Variants in FERMT1 observed in about 807,000 individuals in gnomAD.
FERMT1 encodes FERM domain containing kindlin 1.
In FERMT1, 60 loss-of-function variants were observed where a neutral mutation model predicts 85.3. The observed-to-expected ratio is 0.70, with a 90% CI of 0.57 to 0.87. The LOEUF is 0.87. Among genes scored for constraint, FERMT1 ranks in the 40% least tolerant of loss-of-function variants. The pLI, the probability that FERMT1 is intolerant of heterozygous loss-of-function variation, is 0.00. For synonymous variants in FERMT1, 275 were observed against 301.1 expected, an observed-to-expected ratio of 0.91 and a Z score of 0.90; for missense variants, 701 against 818.9, an observed-to-expected ratio of 0.86 and a Z score of 1.76.
chr20:6,099,440 G>C (rs566952302), intron 6 of FERMT1, among the ~76,000 whole-genome samples: 2 of 150,280 alleles, frequency 1.3e-5, no homozygotes, highest in African/African-American at 4.9e-5. Context: ...TCTGATACTT[G>C]ATACAATATG....
At chr20:6,091,420 G>T (rs953486840) in intron 9 of FERMT1, among the ~76,000 whole-genome samples, 1 of 151,626 alleles carries the variant, frequency 6.6e-6, no homozygotes, top group Non-Finnish European at 1.5e-5. Context: ...AGTAGAGCTG[G>T]GGTTTCATCA....
At chr20:6,107,917 G>A (rs1245132253) in intron 5 of FERMT1, among the ~76,000 whole-genome samples, 2 of 152,072 alleles carry the variant, frequency 1.3e-5, no homozygotes, top group Non-Finnish European at 2.9e-5. Context: ...CTAGGCTTTA[G>A]TGCAGTGGTG....
Position 6,119,610 on chromosome 20 carries a change from G to C in FERMT1, c.-18-38C>G. 1.9e-6 allele frequency: 3 copies of C among 1,567,704 alleles called. No homozygotes were observed. In the South Asian group the frequency reaches 3.4e-5, roughly 18 times the overall value. The stretch of plus-strand genomic sequence containing the variant: ...AAGGCAGACATAGATTGGAATGTGG[G>C]AAGGAAACGGGACTTGTCAGTAGAC... On this transcript the variant is annotated intron_variant, in intron 1 of 14. Transcript: ENST00000217289.
chr20:6,091,507 C>T (rs1345227714), intron 9 of FERMT1, among the ~76,000 whole-genome samples: 3 of 152,160 alleles, frequency 2.0e-5, no homozygotes, highest in Non-Finnish European at 4.4e-5. Flanking sequence ...GCTGGGATTA[C>T]AGGCATGAGC....
At chr20:6,120,796 G>T (rs569668048) in intron 1 of FERMT1, among the ~76,000 whole-genome samples, 10 of 152,290 alleles carry the variant, frequency 6.6e-5, no homozygotes, top group African/African-American at 2.4e-5. Context: ...TATTCAGCAG[G>T]TCTAGGGAGG....
At chr20:6,107,494 A>G (rs753362548) in intron 6 of FERMT1, 38 bp downstream of exon 6, 1 of 1,271,778 alleles carries the variant, frequency 7.9e-7, no homozygotes, top group Non-Finnish European at 1.1e-6. Flanking sequence ...ATGCATTCAT[A>G]TTAAAAAGAG....
chr20:6,097,879 A>G (rs1982553351), intron 6 of FERMT1, among the ~76,000 whole-genome samples: 1 of 151,552 alleles, frequency 6.6e-6, no homozygotes, highest in East Asian at 1.9e-4. Flanking sequence ...CAGTAGTGCA[A>G]TCTTGGCTCA....
Position 6,077,267 on chromosome 20 carries a change from A to G in FERMT1, c.1940T>C (p.Ile647Thr), listed in dbSNP as rs998049821. Reference protein sequence around the residue: ...SADCKIVHEYIGGYIFLSTRS... With the variant: ...SADCKIVHEYTGGYIFLSTRS... ...GGTGGACAAGAAAATGTAGCCGCCA[A>G]TGTACTCGTGCACAATCTTGCAATC... Residue 647 changes from isoleucine (I) to threonine (T), a missense_variant, in exon 15 of 15, where the codon ATT (isoleucine) becomes ACT (threonine). By Grantham distance (89) the Ile-to-Thr change is moderately conservative (BLOSUM62 -1). Transcript: ENST00000217289. The G allele has an allele frequency of 6.8e-6, 11 of 1,614,090 alleles. No homozygotes were observed. Among genetic ancestry groups the G allele is most frequent in the African/African-American group, 1.3e-5 (1 of 74,926 alleles).
intron 12 of FERMT1, among the ~76,000 whole-genome samples, chr20:6,084,850 C>T (rs890431515): frequency 6.6e-6 from 1 of 152,070 alleles, no homozygotes; most frequent in Non-Finnish European, 1.5e-5. Flanking sequence ...TGCACCACCA[C>T]GTCTGACTGA....
chr20:6,096,868 G>A (rs1300754946), intron 8 of FERMT1, 34 bp downstream of exon 8: 1 of 1,547,826 alleles, frequency 6.5e-7, no homozygotes, highest in Non-Finnish European at 8.8e-7. Flanking sequence ...TCAGAAGAAA[G>A]CCACAGTTCT....
At position 6,076,476 on chromosome 20, in the gene FERMT1, C is replaced by A. The variant is rs192292204; in HGVS notation, c.*697G>T. 1.9e-6 allele frequency: 1 copy of A among 517,336 alleles called. No individual in the cohort carries two copies. The highest frequency in any genetic ancestry group is 1.9e-5 in the Admixed American group (1 of 51,410). The allele number at this position is 517,336 out of a possible 1,614,324, so 32.0% of individuals were successfully genotyped here. On this transcript the variant is annotated 3_prime_UTR_variant, in exon 15 of 15. Transcript: ENST00000217289. ...AGAGATCTGTAGGAATGGAATGGGG[C>A]TTGCAGGTGGCCCCAGAAATCTGAG...
rs1265898763 is a variant in FERMT1 at position 6,085,389 on chromosome 20, C to T, written c.1372-102G>A. ...CTACCCCATTACAGTGCAAAACCAT[C>T]ACCTTCCAAGCAAGATGTGAAGTGG... is the stretch of plus-strand genomic sequence containing the variant. On this transcript the variant is annotated intron_variant, in intron 11 of 14. Transcript: ENST00000217289. 4.0e-6 allele frequency: 4 copies of T among 1,001,710 alleles called. No individual in the cohort carries two copies. The African/African-American group carries it at 6.4e-5, about 16-fold the overall frequency. 62.1% of individuals were successfully genotyped at this position (1,001,710 alleles called of 1,614,324 possible).
intron 6 of FERMT1, 52 bp downstream of exon 6, chr20:6,107,480 T>C (rs1982830359): frequency 9.3e-7 from 1 of 1,080,832 alleles, no homozygotes; most frequent in South Asian, 1.3e-5. Flanking sequence ...CATTTTATCC[T>C]TTCATGCATT....
At position 6,097,562 on chromosome 20, in the gene FERMT1, A is replaced by C. The variant is rs764567711; in HGVS notation, c.919T>G (p.Cys307Gly). The C allele has an allele frequency of 7.4e-6, 12 of 1,613,954 alleles. No individual in the cohort carries two copies. In the Admixed American group the frequency reaches 1.5e-4, roughly 20 times the overall value. The change falls in exon 7 of 15, where the codon TGC becomes GGC. Residue 307 changes from cysteine (C) to glycine (G), a missense_variant. Physicochemically the swap from Cys to Gly is radical, Grantham distance 159. Transcript: ENST00000217289. ...AAGATCAACATTTCTTCCTCTGTGC[A>C]ATCAATTTCTTCTAAGAGAATGGCC... is the stretch of plus-strand genomic sequence containing the variant. ...RWAILLEEID[C>G]TEEEMLIFAA...
chr20:6,092,909 T>C (rs367579339), intron 9 of FERMT1, among the ~76,000 whole-genome samples: 26 of 152,214 alleles, frequency 1.7e-4, no homozygotes, highest in African/African-American at 5.3e-4. Flanking sequence ...TTCCTGTAAG[T>C]TGGCATTTCT....
chr20:6,095,108 T>A (rs1982466625), intron 8 of FERMT1, 120 bp from the exon 9 acceptor site: 2 of 671,186 alleles, frequency 3.0e-6, no homozygotes, highest in South Asian at 1.7e-5. Context: ...TTGAATTAAT[T>A]CAAATTAAAT....
intron 14 of FERMT1, 25 bp from the exon 15 acceptor site, chr20:6,077,371 C>A: frequency 6.2e-7 from 1 of 1,613,220 alleles, no homozygotes; most frequent in Non-Finnish European, 8.5e-7. Flanking sequence ...CACAGAGAAG[C>A]TTAAACTCTG....
At chr20:6,111,015 C>G (rs1982933006) in intron 4 of FERMT1, among the ~76,000 whole-genome samples, 1 of 152,202 alleles carries the variant, frequency 6.6e-6, no homozygotes. Flanking sequence ...TGGCTCACTG[C>G]AACCTCAACC....
intron 6 of FERMT1, among the ~76,000 whole-genome samples, chr20:6,102,197 C>T (rs1013963571): frequency 3.3e-5 from 5 of 151,994 alleles, no homozygotes; most frequent in African/African-American, 1.2e-4. Context: ...CCCATTTCTC[C>T]AGAGACAATG....
Sources: gnomAD v4.1 joint callset for allele counts (sites outside exome capture counted in the v4.1 genomes callset) on GRCh38, gnomAD v4.1.1 for gene constraint, MANE v1.5 for transcripts, NCBI Gene and HGNC (gene_info 2026-07-23, HGNC 2026-07-21) for gene names.